MCUB: variants seen among roughly 807,000 people sequenced by gnomAD.
MCUB encodes mitochondrial calcium uniporter dominant negative subunit beta.
MCUB carries 46 observed loss-of-function variants against 41.4 expected under a neutral mutation model. That is an observed-to-expected ratio of 1.11 (90% confidence interval 0.88 to 1.42). The LOEUF (loss-of-function observed/expected upper bound fraction) is 1.42. Ranked by LOEUF, MCUB falls within the 40% of genes most tolerant of loss-of-function variation. The pLI, the probability that MCUB is intolerant of heterozygous loss-of-function variation, is 0.00. For synonymous variants in MCUB, 148 were observed against 148.2 expected (o/e 1.00, Z 0.01); for missense variants, 403 against 404.9 (o/e 1.00, Z 0.04).
intron 1 of MCUB, among the ~76,000 whole-genome samples, chr4:109,606,780 C>G (rs13353725): frequency 0.092 from 13,936 of 152,188 alleles, 690 homozygotes; most frequent in Middle Eastern, 0.15. Flanking sequence ...GAATTTCACT[C>G]TTTTCATCCA....
intron 3 of MCUB, among the ~76,000 whole-genome samples, chr4:109,660,967 C>G (rs1399593539): frequency 1.3e-5 from 2 of 152,050 alleles, no homozygotes; most frequent in Non-Finnish European, 2.9e-5. Flanking sequence ...CATTAGCGTG[C>G]AATTCTCAGC....
chr4:109,661,718 G>A (rs1198545520), intron 3 of MCUB, among the ~76,000 whole-genome samples: 1 of 152,136 alleles, frequency 6.6e-6, no homozygotes, highest in Non-Finnish European at 1.5e-5. Context: ...GGGGAAATGA[G>A]GGAGGGAGTC....
In MCUB at chr4:109,688,587, CA is replaced by C. The variant is rs568551589; in HGVS notation, c.*998del. 462 of 152,120 alleles carry C rather than the reference CA, an allele frequency of 3.0e-3. 2 individuals are homozygous for C. The highest frequency in any genetic ancestry group is 0.011 in the African/African-American group (437 of 41,500). The allele number at this position is 152,120 out of a possible 1,614,324, so 9.4% of individuals were successfully genotyped here. A position where few individuals can be genotyped will look rare whatever the true frequency, so the allele number is the denominator to read the frequency against. On this transcript the variant is annotated 3_prime_UTR_variant, in exon 8 of 8. Coordinates refer to ENST00000394650, the MANE Select transcript of MCUB (RefSeq NM_017918.5). The stretch of plus-strand genomic sequence containing the variant: ...GAGTAAAAAACATCTATCAATTACA[CA>C]AATGAACAAGAATGTGAGTTAGAAA...
At chr4:109,656,527 C>G (rs1428114325) in intron 1 of MCUB, among the ~76,000 whole-genome samples, 1 of 151,842 alleles carries the variant, frequency 6.6e-6, no homozygotes, top group Admixed American at 6.6e-5. Flanking sequence ...CAGGCATGTG[C>G]CACCATGCCA....
chr4:109,599,159 T>A (rs1727667356), intron 1 of MCUB, among the ~76,000 whole-genome samples: 1 of 152,244 alleles, frequency 6.6e-6, no homozygotes, highest in South Asian at 2.1e-4. Context: ...TGGGTTACAG[T>A]GTTAACCTTC....
rs58064325 is a variant in MCUB, at chr4:109,659,933, C to T, written c.176-262C>T. On this transcript the variant is annotated intron_variant, in intron 2 of 7. Transcript: ENST00000394650. ...TGAGCCTCCCAAAGTGCTGGGATTA[C>T]AGGCATGAGCCACCATGCCGGCCAC... Among the ~76,000 whole-genome samples, 806 of 152,310 alleles carry T rather than the reference C, an allele frequency of 5.3e-3. 3 individuals are homozygous for T. The highest frequency in any genetic ancestry group is 0.018 in the African/African-American group (732 of 41,562).
chr4:109,587,974 G>T (rs1196002762), intron 1 of MCUB, among the ~76,000 whole-genome samples: 1 of 152,202 alleles, frequency 6.6e-6, no homozygotes, highest in African/African-American at 2.4e-5. Flanking sequence ...GTGGTTAGTA[G>T]CTATAATATA....
chr4:109,607,465 G>C (rs1325387302), intron 1 of MCUB, among the ~76,000 whole-genome samples: 2 of 152,182 alleles, frequency 1.3e-5, no homozygotes, highest in Non-Finnish European at 2.9e-5. Context: ...TGATCCGCCT[G>C]CCTTGGCCTC....
At chr4:109,612,287 G>T (rs1488429968) in intron 1 of MCUB, among the ~76,000 whole-genome samples, 1 of 113,548 alleles carries the variant, frequency 8.8e-6, no homozygotes, top group Admixed American at 1.0e-4. Context: ...TTTTTTGAGA[G>T]CGTCTCACTC....
intron 1 of MCUB, among the ~76,000 whole-genome samples, chr4:109,599,223 G>A (rs1727669003): frequency 6.6e-6 from 1 of 152,110 alleles, no homozygotes; most frequent in Admixed American, 6.5e-5. Flanking sequence ...GCTTAGGTTT[G>A]AATATCAAAT....
intron 1 of MCUB, among the ~76,000 whole-genome samples, chr4:109,600,869 A>G (rs1033311448): frequency 6.6e-6 from 1 of 152,104 alleles, no homozygotes; most frequent in Non-Finnish European, 1.5e-5. Context: ...ATCTCAGCTC[A>G]CTGCAACCTC....
chr4:109,680,327 T>C (rs1337669189), intron 4 of MCUB, among the ~76,000 whole-genome samples: 1 of 152,166 alleles, frequency 6.6e-6, no homozygotes, highest in Non-Finnish European at 1.5e-5. Context: ...ACTATCCACT[T>C]TTTGTAAATT....
intron 1 of MCUB, among the ~76,000 whole-genome samples, chr4:109,585,393 T>G (rs1727283107): frequency 6.6e-6 from 1 of 152,212 alleles, no homozygotes; most frequent in South Asian, 2.1e-4. Flanking sequence ...GGGTCTTGAA[T>G]CTTTATTCAA....
intron 3 of MCUB, among the ~76,000 whole-genome samples, chr4:109,663,934 CTG>C (rs1729281666): frequency 6.6e-6 from 1 of 152,260 alleles, no homozygotes; most frequent in African/African-American, 2.4e-5. Context: ...ACCCCCAAAA[CTG>C]TCACCTGCCA....
chr4:109,646,687 C>T (rs759450733), intron 1 of MCUB, among the ~76,000 whole-genome samples: 5 of 152,254 alleles, frequency 3.3e-5, no homozygotes, highest in Admixed American at 2.0e-4. Context: ...TCTCACTCCC[C>T]GCTCCTCTCA....
At chr4:109,625,414 TTTTCAC>T (rs1302659255) in intron 1 of MCUB, among the ~76,000 whole-genome samples, 4 of 152,212 alleles carry the variant, frequency 2.6e-5, no homozygotes, top group Admixed American at 2.6e-4. Context: ...GCTATCCTGT[TTTTCAC>T]TTTCAGTACA....
chr4:109,674,888 G>A (rs1041683074), intron 4 of MCUB, among the ~76,000 whole-genome samples: 1 of 152,196 alleles, frequency 6.6e-6, no homozygotes, highest in Non-Finnish European at 1.5e-5. Context: ...CATAAGAATT[G>A]TAAACATTGA....
intron 1 of MCUB, among the ~76,000 whole-genome samples, chr4:109,641,003 G>T (rs903799480): frequency 4.6e-5 from 7 of 152,188 alleles, no homozygotes; most frequent in Non-Finnish European, 1.0e-4. Flanking sequence ...GACCATTGTA[G>T]TCTTATTAGT....
At chr4:109,651,523 T>C (rs1728960937) in intron 1 of MCUB, among the ~76,000 whole-genome samples, 1 of 152,196 alleles carries the variant, frequency 6.6e-6, no homozygotes, top group South Asian at 2.1e-4. Context: ...CATATACATA[T>C]ATATGTCAGT....
Sources: allele counts gnomAD v4.1 joint callset (sites outside exome capture counted in the v4.1 genomes callset), GRCh38; gene constraint gnomAD v4.1.1; transcripts MANE v1.5; gene names NCBI Gene and HGNC (gene_info 2026-07-23, HGNC 2026-07-21).